CCNC: variants seen among roughly 807,000 people sequenced by gnomAD.
The protein encoded by CCNC is cyclin C, also known as cyclin-C.
A neutral mutation model predicts 50.0 loss-of-function variants in CCNC; 19 were observed. That is an observed-to-expected ratio of 0.38 (90% CI 0.27 to 0.56). CCNC has a LOEUF of 0.56. CCNC is among the 20% of genes least tolerant of loss of function. CCNC has a pLI of 0.72. For synonymous variants in CCNC, 93 were observed against 103.7 expected, an observed-to-expected ratio of 0.90 and a Z score of 0.63; for missense variants, 200 against 327.1, an observed-to-expected ratio of 0.61 and a Z score of 3.00.
rs560162039 is a variant in CCNC, at chr6:99,562,815, T to C, written c.139+27A>G. On this transcript the variant is annotated intron_variant, in intron 2 of 11. Coordinates refer to ENST00000520429, the MANE Select transcript of CCNC (RefSeq NM_005190.4). The stretch of plus-strand genomic sequence containing the variant: ...TATTCAGAGGTAACCAACTATACAA[T>C]TTGAACCAATTTTTAAAAAAGTTTA... The C allele has an allele frequency of 1.0e-5, 14 of 1,343,640 alleles. No homozygotes were observed. The East Asian group carries it at 3.2e-4, about 31-fold the overall frequency. The allele number at this position is 1,343,640 out of a possible 1,614,324, so 83.2% of individuals were successfully genotyped here.
chr6:99,551,034 T>TA lies in CCNC; in HGVS notation c.403-7dup. 9.1e-7 allele frequency: 1 copy of TA among 1,102,808 alleles called. No individual in the cohort carries two copies. The highest frequency in any genetic ancestry group is 1.2e-6 in the Non-Finnish European group (1 of 802,538). The allele number at this position is 1,102,808 out of a possible 1,614,324, so 68.3% of individuals were successfully genotyped here. A position where few individuals can be genotyped will look rare whatever the true frequency, so the allele number is the denominator to read the frequency against. On this transcript the variant is annotated splice_region_variant and splice_polypyrimidine_tract_variant and intron_variant, in intron 6 of 11. Coordinates refer to ENST00000520429, the MANE Select transcript of CCNC (RefSeq NM_005190.4). ...TAGAATTCACATTCTAATATCTGTT[T>TA]AAAACAAAGATTATCAATGAAATGT...
chr6:99,546,321 G>T (rs894273271), intron 10 of CCNC, 74 bp downstream of exon 10: 3 of 974,492 alleles, frequency 3.1e-6, no homozygotes, highest in Admixed American at 3.5e-5. Flanking sequence ...GACATCACAA[G>T]ATTTTAGGCT....
At chr6:99,550,863 A>T (rs911484862) in intron 7 of CCNC, 130 bp downstream of exon 7, 5 of 411,398 alleles carry the variant, frequency 1.2e-5, no homozygotes, top group Non-Finnish European at 2.1e-5. Flanking sequence ...ATAGGCTACC[A>T]TGATTTCACC....
intron 4 of CCNC, among the ~76,000 whole-genome samples, chr6:99,561,114 T>C (rs970847902): frequency 6.6e-6 from 1 of 152,230 alleles, no homozygotes; most frequent in Non-Finnish European, 1.5e-5. Flanking sequence ...TTTCCTCATT[T>C]ATAAAATGGG....
intron 6 of CCNC, 77 bp from the exon 7 acceptor site, chr6:99,551,105 TAC>T (rs1471748837): frequency 4.0e-6 from 3 of 743,990 alleles, no homozygotes; most frequent in South Asian, 8.4e-5. Flanking sequence ...TAACATAAAT[TAC>T]AGACATTATA....
At chr6:99,547,905 A>G (rs1485319855) in intron 9 of CCNC, among the ~76,000 whole-genome samples, 3 of 152,192 alleles carry the variant, frequency 2.0e-5, no homozygotes, top group African/African-American at 7.2e-5. Flanking sequence ...AGAGGAAGGC[A>G]CAAAATGTAC....
chr6:99,558,275 C>A, intron 5 of CCNC: 1 of 523,388 alleles, frequency 1.9e-6, no homozygotes, highest in Non-Finnish European at 3.1e-6. Context: ...TTGATAATTA[C>A]TATCCATTTT....
At chr6:99,548,946 C>G (rs1281829347) in intron 9 of CCNC, among the ~76,000 whole-genome samples, 1 of 152,106 alleles carries the variant, frequency 6.6e-6, no homozygotes, top group African/African-American at 2.4e-5. Context: ...AGTATTCTCT[C>G]CATTTTACAA....
In CCNC at chr6:99,568,091, C is replaced by T. The variant is rs186396032; in HGVS notation, c.32+405G>A. On this transcript the variant is annotated intron_variant, in intron 1 of 11. Coordinates refer to ENST00000520429, the MANE Select transcript of CCNC (RefSeq NM_005190.4). ...AATGACAAAAGACCACGACGCCGATCACCCGAAGAAACCCCAGGTAAAAGC... is the reference window on the plus strand; with the variant it reads ...AATGACAAAAGACCACGACGCCGATTACCCGAAGAAACCCCAGGTAAAAGC... The T allele has an allele frequency of 4.8e-3, 891 of 186,544 alleles. 7 individuals are homozygous for T. Among genetic ancestry groups the T allele is most frequent in the Non-Finnish European group, 6.5e-3 (579 of 89,722 alleles). 11.6% of individuals were successfully genotyped at this position (186,544 alleles called of 1,614,324 possible). A position where few individuals can be genotyped will look rare whatever the true frequency, so the allele number is the denominator to read the frequency against.
intron 9 of CCNC, among the ~76,000 whole-genome samples, chr6:99,548,530 G>C (rs1442640567): frequency 6.6e-6 from 1 of 151,944 alleles, no homozygotes; most frequent in African/African-American, 2.4e-5. Flanking sequence ...ATCAATAGAA[G>C]GGGCTGGGGT....
intron 11 of CCNC, among the ~76,000 whole-genome samples, chr6:99,544,640 G>A (rs1351101888): frequency 1.3e-5 from 2 of 151,354 alleles, no homozygotes; most frequent in South Asian, 4.2e-4. Flanking sequence ...TGGACCTTAG[G>A]GTCACTTAAA....
At position 99,564,422 on chromosome 6, in the gene CCNC, C is replaced by CAA. The variant is rs11345511; in HGVS notation, c.33-1476_33-1475dup. Among the ~76,000 whole-genome samples the CAA allele has an allele frequency of 6.2e-4, 60 of 97,092 alleles. 1 individual carries two copies. Among genetic ancestry groups the CAA allele is most frequent in the South Asian group, 1.1e-3 (3 of 2,826 alleles). The allele number at this position is 97,092 out of a possible 152,430, so 63.7% of individuals were successfully genotyped here. A position where few individuals can be genotyped will look rare whatever the true frequency, so the allele number is the denominator to read the frequency against. On this transcript the variant is annotated intron_variant, in intron 1 of 11. Transcript: ENST00000520429. The stretch of plus-strand genomic sequence containing the variant: ...CCTGGGGTACAGAGTGAGACTCTGT[C>CAA]AAAAAAAAAAAAAAAAAAAAAATTC...
At chr6:99,547,896 G>T (rs1802133040) in intron 9 of CCNC, among the ~76,000 whole-genome samples, 1 of 152,136 alleles carries the variant, frequency 6.6e-6, no homozygotes, top group Admixed American at 6.5e-5. Flanking sequence ...GAACAATCGA[G>T]AGGAAGGCAC....
Position 99,550,515 on chromosome 6 carries a change from T to C in CCNC, c.439-206A>G. On this transcript the variant is annotated intron_variant, in intron 7 of 11. Transcript: ENST00000520429. ...TGAAGGCAGTGCTCTCTCTGGAATA[T>C]ACCTTGATAAATCGGTTGGCAGTCA... is the stretch of plus-strand genomic sequence containing the variant. 5 of 463,056 alleles carry C rather than the reference T, an allele frequency of 1.1e-5. No individual in the cohort carries two copies. The East Asian group carries it at 1.7e-4, about 16-fold the overall frequency. The allele number at this position is 463,056 out of a possible 1,614,324, so 28.7% of individuals were successfully genotyped here.
rs1202801256 is a variant in CCNC, at chr6:99,545,155, T to C, written c.754A>G (p.Thr252Ala). The C allele has an allele frequency of 4.3e-6, 7 of 1,611,066 alleles. No individual in the cohort carries two copies. Among genetic ancestry groups the C allele is most frequent in the East Asian group, 4.5e-5 (2 of 44,766 alleles). Residue 252 changes from threonine to alanine, a missense_variant, in exon 11 of 12, where the codon ACC becomes GCC. Coordinates refer to ENST00000520429, the MANE Select transcript of CCNC (RefSeq NM_005190.4). ...KNFDERKEMA[T>A]ILSKMPKPKP... is the part of the protein sequence containing the mutation. The stretch of plus-strand genomic sequence containing the variant: ...GGTTTTGGCATCTTACTAAGAATGG[T>C]TGCCATCTCTTTTCTCTCATCGAAA...
intron 3 of CCNC, 49 bp from the exon 4 acceptor site, chr6:99,561,485 C>T: frequency 7.0e-7 from 1 of 1,428,690 alleles, no homozygotes; most frequent in Non-Finnish European, 9.6e-7. Flanking sequence ...AGAAAACACA[C>T]TGGGAAAAAA....
At position 99,543,243 on chromosome 6, in the gene CCNC, A is replaced by G. The variant is rs2128865149; in HGVS notation, c.*312T>C. On this transcript the variant is annotated 3_prime_UTR_variant, in exon 12 of 12. Transcript: ENST00000520429. Reference sequence around the variant, plus strand: ...TGCTTCATGTTTCCTGGCTTAATAAAAAGCTACAATTTTTATTATCCAAAT... The same window carrying G: ...TGCTTCATGTTTCCTGGCTTAATAAGAAGCTACAATTTTTATTATCCAAAT... The G allele has an allele frequency of 5.2e-6, 1 of 191,460 alleles. No homozygotes were observed. Among genetic ancestry groups the G allele is most frequent in the East Asian group, 1.2e-4 (1 of 8,400 alleles). 11.9% of individuals were successfully genotyped at this position (191,460 alleles called of 1,614,324 possible). A position where few individuals can be genotyped will look rare whatever the true frequency, so the allele number is the denominator to read the frequency against.
chr6:99,557,027 T>C (rs1472970656), intron 5 of CCNC, among the ~76,000 whole-genome samples: 1 of 151,488 alleles, frequency 6.6e-6, no homozygotes, highest in Non-Finnish European at 1.5e-5. Flanking sequence ...TCCCCACTAT[T>C]TCCTTACTCA....
chr6:99,545,215 T>G lies in CCNC; in HGVS notation c.694A>C (p.Arg232=), dbSNP rs762321785. The stretch of plus-strand genomic sequence containing the variant: ...TGCTCATATAGTTTTAAAATAACCC[T>G]GATTATTTCCAAAATCTAGAAGAAA... ...VDMEKILEII[R]VILKLYEQWK... The change falls in exon 11 of 12, where the codon AGG becomes CGG. Residue 232 remains arginine (R), a synonymous_variant. Transcript: ENST00000520429. 6.4e-7 allele frequency: 1 copy of G among 1,553,902 alleles called. No individual in the cohort carries two copies. The highest frequency in any genetic ancestry group is 1.1e-5 in the South Asian group (1 of 88,222).
Sources: gnomAD v4.1 joint callset for allele counts (sites outside exome capture counted in the v4.1 genomes callset) on GRCh38, gnomAD v4.1.1 for gene constraint, MANE v1.5 for transcripts, NCBI Gene and HGNC (gene_info 2026-07-23, HGNC 2026-07-21) for gene names.